The following WBP2NL variants were observed in gnomAD, a reference collection of about 807,000 sequenced individuals.
WBP2NL encodes postacrosomal sheath WW domain-binding protein.
In WBP2NL, 27 loss-of-function variants were observed where a neutral mutation model predicts 23.3. The ratio of observed to expected loss-of-function variants is 1.16; its 90% CI spans 0.85 to 1.60. The LOEUF is 1.60. WBP2NL is among the 40% of genes most tolerant of loss of function. The pLI is 0.00. For missense variants in WBP2NL, 370 were observed against 389.5 expected, an observed-to-expected ratio of 0.95 and a Z score of 0.42; for synonymous variants, 151 against 145.9, an observed-to-expected ratio of 1.03 and a Z score of -0.25.
intron 3 of WBP2NL, 82 bp from the exon 4 acceptor site, chr22:42,019,922 T>G (rs1923724229): frequency 6.3e-7 from 1 of 1,591,530 alleles, no homozygotes; most frequent in African/African-American, 1.3e-5. Context: ...TGTCAGGTAG[T>G]GCTTCCCTTG....
chr22:42,022,321 A>T lies in WBP2NL; in HGVS notation c.479A>T (p.Glu160Val), dbSNP rs776267352. ...SSMGIYVITG[E>V]GNMCTPQMPC... is the part of the protein sequence containing the mutation. ...ATGGGAATTTATGTAATTACTGGGG[A>T]AGGGAATATGTGCACTCCACAGATG... is the stretch of plus-strand genomic sequence containing the variant. The change falls in exon 5 of 6, where the codon GAA (glutamate) becomes GTA (valine). Residue 160 changes from glutamate to valine, a missense_variant. By Grantham distance (121) the Glu-to-Val change is moderately radical. Coordinates refer to ENST00000328823, the MANE Select transcript of WBP2NL (RefSeq NM_152613.3). The T allele has an allele frequency of 6.2e-7, 1 of 1,614,048 alleles. No individual in the cohort carries two copies. Among genetic ancestry groups the T allele is most frequent in the Non-Finnish European group, 8.5e-7 (1 of 1,179,956 alleles).
intron 1 of WBP2NL, among the ~76,000 whole-genome samples, chr22:42,000,605 TG>T (rs2146747555): frequency 6.6e-6 from 1 of 152,298 alleles, no homozygotes; most frequent in South Asian, 2.1e-4. Context: ...TAGTTGCCAC[TG>T]ATAAATTGAC....
At chr22:42,050,754 G>C (rs1473237076) in intron 8 of WBP2NL, among the ~76,000 whole-genome samples, 1 of 152,108 alleles carries the variant, frequency 6.6e-6, no homozygotes, top group African/African-American at 2.4e-5. Flanking sequence ...ATTAGAAGAT[G>C]CTGAACATCA....
chr22:42,021,789 CTTT>C (rs11413615), intron 4 of WBP2NL, among the ~76,000 whole-genome samples: 12 of 132,648 alleles, frequency 9.0e-5, no homozygotes, highest in Admixed American at 7.8e-5. Context: ...TTCTTTCTTT[CTTT>C]TTTTTTTTTT....
intron 1 of WBP2NL, among the ~76,000 whole-genome samples, chr22:42,011,244 G>A (rs1348659908): frequency 1.3e-5 from 2 of 152,016 alleles, no homozygotes; most frequent in Non-Finnish European, 2.9e-5. Flanking sequence ...AGAATTTGTT[G>A]AGAGGTTTTT....
At chr22:42,012,047 G>T in intron 1 of WBP2NL, among the ~76,000 whole-genome samples, 1 of 152,010 alleles carries the variant, frequency 6.6e-6, no homozygotes. Context: ...AAAGTGCTGG[G>T]ATTACAGGCT....
chr22:42,058,078 G>A (rs1046464595), intron 8 of WBP2NL, among the ~76,000 whole-genome samples: 12 of 149,496 alleles, frequency 8.0e-5, no homozygotes, highest in Non-Finnish European at 1.5e-4. Flanking sequence ...CACCATGCCC[G>A]GCTAATTTTT....
intron 5 of WBP2NL, among the ~76,000 whole-genome samples, chr22:42,023,092 G>A (rs904263395): frequency 1.1e-4 from 17 of 152,098 alleles, no homozygotes; most frequent in Admixed American, 4.6e-4. Flanking sequence ...ACATTTTAAT[G>A]TGTACAATTC....
chr22:42,017,594 G>C (rs1474735400), intron 1 of WBP2NL, among the ~76,000 whole-genome samples: 2 of 152,112 alleles, frequency 1.3e-5, no homozygotes, highest in Non-Finnish European at 2.9e-5. Context: ...CTGTATTCAT[G>C]CTTTCATTCA....
Position 42,011,163 on chromosome 22 carries a change from T to G in WBP2NL, c.63-8148T>G, listed in dbSNP as rs1038994611. Among the ~76,000 whole-genome samples the G allele has an allele frequency of 2.6e-5, 4 of 152,230 alleles. No individual in the cohort carries two copies. The East Asian group carries it at 7.7e-4, about 29-fold the overall frequency. ...TGGCCTCATAAAGTAAGCCTAGAAG[T>G]GTTTCTTCCTCTTTAATTTTGGGGA... On this transcript the variant is annotated intron_variant, in intron 1 of 5. Coordinates refer to ENST00000328823, the MANE Select transcript of WBP2NL (RefSeq NM_152613.3).
At chr22:42,057,015 A>G (rs1238463110) in intron 8 of WBP2NL, among the ~76,000 whole-genome samples, 1 of 152,096 alleles carries the variant, frequency 6.6e-6, no homozygotes, top group African/African-American at 2.4e-5. Context: ...TGATTATGAT[A>G]TGTCTAGGTA....
intron 1 of WBP2NL, chr22:42,001,934 G>A: frequency 6.9e-7 from 1 of 1,439,800 alleles, no homozygotes; most frequent in Non-Finnish European, 9.2e-7. Flanking sequence ...CTGCCAGGGA[G>A]TCCTTGGCGA....
chr22:42,035,372 C>T (rs542592170), downstream of WBP2NL, among the ~76,000 whole-genome samples: 55 of 152,046 alleles, frequency 3.6e-4, no homozygotes, highest in African/African-American at 1.3e-3. Flanking sequence ...CCCACCTGCC[C>T]CTCTGGGCCC....
intron 8 of WBP2NL, among the ~76,000 whole-genome samples, chr22:42,054,716 A>T (rs1438972951): frequency 9.0e-6 from 1 of 111,080 alleles, no homozygotes; most frequent in Non-Finnish European, 1.6e-5. Context: ...GTACCTTTGT[A>T]AAAAAAAAAA....
At chr22:42,021,405 C>T (rs1298207756) in intron 4 of WBP2NL, among the ~76,000 whole-genome samples, 6 of 152,192 alleles carry the variant, frequency 3.9e-5, no homozygotes, top group Non-Finnish European at 8.8e-5. Flanking sequence ...GATATATCCC[C>T]ATCCCAATCC....
intron 8 of WBP2NL, among the ~76,000 whole-genome samples, chr22:42,048,943 TC>T (rs1344819644): frequency 6.6e-6 from 1 of 152,148 alleles, no homozygotes; most frequent in East Asian, 1.9e-4. Flanking sequence ...CTCTCACTAT[TC>T]CTATTCTATT....
intron 1 of WBP2NL, 75 bp from the exon 2 acceptor site, chr22:42,019,235 AT>A: frequency 5.0e-6 from 7 of 1,403,732 alleles, no homozygotes; most frequent in Non-Finnish European, 5.9e-6. Context: ...AAAAAAAAAA[AT>A]TGCGTTAAGA....
downstream of WBP2NL, among the ~76,000 whole-genome samples, chr22:42,029,339 T>C (rs1300842150): frequency 2.7e-5 from 4 of 150,090 alleles, no homozygotes; most frequent in African/African-American, 7.3e-5. Context: ...TGGTGTGCAC[T>C]TGACCCAGAA....
intron 8 of WBP2NL, among the ~76,000 whole-genome samples, chr22:42,049,952 G>A (rs779705992): frequency 3.5e-5 from 5 of 142,244 alleles, no homozygotes; most frequent in Non-Finnish European, 7.5e-5. Context: ...ACTCCGGCCT[G>A]GGCAAAGAAG....
Sources: allele counts gnomAD v4.1 joint callset (sites outside exome capture counted in the v4.1 genomes callset), GRCh38; gene constraint gnomAD v4.1.1; transcripts MANE v1.5; gene names NCBI Gene and HGNC (gene_info 2026-07-23, HGNC 2026-07-21).